The following SLC14A2 variants were observed in gnomAD, a reference collection of about 807,000 sequenced individuals.
SLC14A2 encodes the protein solute carrier family 14 member 2.
Under a neutral mutation model 104.6 loss-of-function variants are expected in SLC14A2, and 91 were observed. The observed-to-expected ratio is 0.87, with a 90% confidence interval of 0.73 to 1.04. The LOEUF (loss-of-function observed/expected upper bound fraction) is 1.04. Among genes scored for constraint, SLC14A2 ranks in the 50% least tolerant of loss-of-function variants. The pLI is 0.00. For synonymous variants in SLC14A2, 476 were observed against 466.4 expected, an observed-to-expected ratio of 1.02 and a Z score of -0.27; for missense variants, 1,189 against 1,156.0, an observed-to-expected ratio of 1.03 and a Z score of -0.41.
At position 45,399,835 on chromosome 18, in the gene SLC14A2, G is replaced by C. The variant is rs1598757827; in HGVS notation, c.-124-83398G>C. Among the ~76,000 whole-genome samples, 4 of 152,180 alleles carry C rather than the reference G, an allele frequency of 2.6e-5. No individual in the cohort carries two copies. In the South Asian group the frequency reaches 8.3e-4, roughly 32 times the overall value. On this transcript the variant is annotated intron_variant, in intron 1 of 20. Transcript: ENST00000586448. ...GAGAGGAATTTGCAAATGAGAGTTAGTACCAAGAGCCAAGGGACAAAGCCA... is the reference window on the plus strand; with the variant it reads ...GAGAGGAATTTGCAAATGAGAGTTACTACCAAGAGCCAAGGGACAAAGCCA...
At chr18:45,291,412 G>T (rs1568137878) in intron 1 of SLC14A2, among the ~76,000 whole-genome samples, 1 of 152,146 alleles carries the variant, frequency 6.6e-6, no homozygotes, top group Non-Finnish European at 1.5e-5. Context: ...CATGCCTGCA[G>T]ATCCATTACC....
intron 2 of SLC14A2, among the ~76,000 whole-genome samples, chr18:45,604,366 T>A (rs1487511090): frequency 6.6e-6 from 1 of 152,188 alleles, no homozygotes; most frequent in East Asian, 1.9e-4. Context: ...TACATAATAT[T>A]TACCATTTTA....
chr18:45,439,147 G>T (rs1369117300), intron 1 of SLC14A2, among the ~76,000 whole-genome samples: 1 of 152,142 alleles, frequency 6.6e-6, no homozygotes, highest in African/African-American at 2.4e-5. Context: ...AAAATTAGCT[G>T]GGCATGGTGC....
rs532339976 is a variant in SLC14A2 at position 45,648,291 on chromosome 18, C to T, written c.1351+4131C>T. Among the ~76,000 whole-genome samples, 19 of 150,094 alleles carry T rather than the reference C, an allele frequency of 1.3e-4. No homozygotes were observed. The East Asian group carries it at 1.6e-3, about 12-fold the overall frequency. On this transcript the variant is annotated intron_variant, in intron 10 of 19. Coordinates refer to ENST00000255226, the MANE Select transcript of SLC14A2 (RefSeq NM_007163.4). ...CACCATCTGGGCTCACTGCAAGCTC[C>T]GCCTCCCGGGTTCACGCCATTCTCC...
chr18:45,212,917 A>T (rs1008022531), upstream of SLC14A2: 5 of 152,334 alleles, frequency 3.3e-5, no homozygotes, highest in African/African-American at 1.2e-4. Context: ...TCCTGGCGCC[A>T]TCTAGTGGGG....
At chr18:45,417,500 G>T (rs188715257) in intron 1 of SLC14A2, among the ~76,000 whole-genome samples, 1 of 152,186 alleles carries the variant, frequency 6.6e-6, no homozygotes, top group Non-Finnish European at 1.5e-5. Flanking sequence ...ATGATGGCAG[G>T]AAGGAGAACT....
chr18:45,629,346 G>A (rs1001170615), intron 4 of SLC14A2, among the ~76,000 whole-genome samples: 6 of 152,138 alleles, frequency 3.9e-5, no homozygotes, highest in African/African-American at 1.4e-4. Context: ...AGATCTGGTG[G>A]GTGAGATTAA....
At chr18:45,428,563 G>A (rs1459083281) in intron 1 of SLC14A2, among the ~76,000 whole-genome samples, 1 of 152,166 alleles carries the variant, frequency 6.6e-6, no homozygotes, top group African/African-American at 2.4e-5. Flanking sequence ...CACCCCTATA[G>A]GCTGGAGGTC....
intron 1 of SLC14A2, among the ~76,000 whole-genome samples, chr18:45,453,847 G>GTTTTTTTT (rs56084837): frequency 2.2e-5 from 2 of 91,344 alleles, no homozygotes; most frequent in East Asian, 3.3e-4. Context: ...TTTCTTTTCT[G>GTTTTTTTT]TTTTTTTTTT....
At chr18:45,338,389 G>T (rs1042199146) in intron 1 of SLC14A2, among the ~76,000 whole-genome samples, 3 of 151,876 alleles carry the variant, frequency 2.0e-5, no homozygotes, top group Admixed American at 1.3e-4. Context: ...TTTTAGTAGA[G>T]ACAGGGTTTC....
chr18:45,228,373 T>C (rs747579206), intron 1 of SLC14A2, among the ~76,000 whole-genome samples: 1 of 151,914 alleles, frequency 6.6e-6, no homozygotes, highest in South Asian at 2.1e-4. Context: ...ACTGTGGGAG[T>C]CCTCCCTTAG....
intron 1 of SLC14A2, among the ~76,000 whole-genome samples, chr18:45,328,778 C>G (rs932649049): frequency 2.0e-5 from 3 of 152,130 alleles, no homozygotes; most frequent in African/African-American, 7.2e-5. Flanking sequence ...TTATGAAAAG[C>G]AAAGGAATTA....
chr18:45,415,675 C>G (rs2086268884), intron 1 of SLC14A2, among the ~76,000 whole-genome samples: 1 of 152,106 alleles, frequency 6.6e-6, no homozygotes. Flanking sequence ...GAGCTTATAC[C>G]CGAAATGAGA....
chr18:45,297,591 A>G (rs1335485613), intron 1 of SLC14A2, among the ~76,000 whole-genome samples: 3 of 152,182 alleles, frequency 2.0e-5, no homozygotes, highest in Non-Finnish European at 4.4e-5. Flanking sequence ...CTGGGTCTCA[A>G]TTGCTTAATC....
At chr18:45,266,058 C>T (rs1011320160) in intron 1 of SLC14A2, among the ~76,000 whole-genome samples, 3 of 151,998 alleles carry the variant, frequency 2.0e-5, no homozygotes, top group African/African-American at 7.3e-5. Flanking sequence ...ATCAGGCTCA[C>T]CAGGGTAGGA....
chr18:45,193,770 T>C, the SLC14A2 span, among the ~76,000 whole-genome samples: 1 of 152,216 alleles, frequency 6.6e-6, no homozygotes, highest in African/African-American at 2.4e-5. Flanking sequence ...GGATTTTGAT[T>C]AGAATTATAT....
intron 6 of SLC14A2, among the ~76,000 whole-genome samples, chr18:45,638,482 C>A (rs1379345203): frequency 6.6e-6 from 1 of 152,176 alleles, no homozygotes; most frequent in East Asian, 1.9e-4. Flanking sequence ...TTCCCAACAT[C>A]TACAGCAACG....
At chr18:45,593,528 C>T (rs1175557844) in intron 2 of SLC14A2, among the ~76,000 whole-genome samples, 8 of 106,984 alleles carry the variant, frequency 7.5e-5, no homozygotes, top group Non-Finnish European at 1.4e-4. Flanking sequence ...CTTGCTCTGT[C>T]GCCCAGGCTG....
intron 10 of SLC14A2, among the ~76,000 whole-genome samples, chr18:45,645,970 G>A (rs927012142): frequency 2.0e-5 from 3 of 152,148 alleles, no homozygotes; most frequent in African/African-American, 4.8e-5. Context: ...TTACATGCTG[G>A]TGACAGCATG....
Sources: gnomAD v4.1 joint callset for allele counts (sites outside exome capture counted in the v4.1 genomes callset) on GRCh38, gnomAD v4.1.1 for gene constraint, MANE v1.5 for transcripts, NCBI Gene and HGNC (gene_info 2026-07-23, HGNC 2026-07-21) for gene names.